The following MCM10 variants were observed in gnomAD, a reference collection of about 807,000 sequenced individuals.
MCM10 encodes the protein protein MCM10 homolog.
In MCM10, 91 loss-of-function variants were observed where a neutral mutation model predicts 109.9. The ratio of observed to expected loss-of-function variants is 0.83; its 90% CI spans 0.70 to 0.99. The LOEUF (loss-of-function observed/expected upper bound fraction) is 0.99. Among genes scored for constraint, MCM10 ranks in the 50% least tolerant of loss-of-function variants. The probability of loss-of-function intolerance (pLI) is 0.00; values close to 1 mark genes in which losing one functional copy is unlikely to be tolerated. For synonymous variants in MCM10, 380 were observed against 387.2 expected, an observed-to-expected ratio of 0.98 and a Z score of 0.22; for missense variants, 1,077 against 1,061.2, an observed-to-expected ratio of 1.01 and a Z score of -0.21.
At chr10:13,199,203 A>G (rs1384202144) in intron 16 of MCM10, among the ~76,000 whole-genome samples, 1 of 152,224 alleles carries the variant, frequency 6.6e-6, no homozygotes, top group African/African-American at 2.4e-5. Context: ...TACCCAGCCA[A>G]GAATCTGTTT....
intron 3 of MCM10, among the ~76,000 whole-genome samples, chr10:13,171,892 G>T (rs1834078943): frequency 6.6e-6 from 1 of 151,794 alleles, no homozygotes; most frequent in African/African-American, 2.4e-5. Flanking sequence ...AGCCTCCCTA[G>T]TAGCTGGAAC....
intron 2 of MCM10, among the ~76,000 whole-genome samples, 192 bp downstream of exon 2, chr10:13,164,401 C>T (rs72779582): frequency 0.19 from 29,185 of 152,178 alleles, 3,078 homozygotes; most frequent in Middle Eastern, 0.38. Flanking sequence ...GGGGAGATTT[C>T]TTCTGGCAAC....
rs780031747 is a variant in MCM10 at position 13,171,050 on chromosome 10, T to G, written c.136T>G (p.Phe46Val). Reference protein sequence around the residue: ...NGEPDAFDELFDADGDGESYT... With the variant: ...NGEPDAFDELVDADGDGESYT... ...CGAGCCCGACGCATTTGATGAGCTC[T>G]TTGATGCCGACGGCGACGGTGAATC... Residue 46 changes from phenylalanine (F) to valine (V), a missense_variant, in exon 3 of 20, where the codon TTT becomes GTT. Coordinates refer to ENST00000378714, the MANE Select transcript of MCM10 (RefSeq NM_018518.5). 3.1e-6 allele frequency: 5 copies of G among 1,614,114 alleles called. No individual in the cohort carries two copies. In the East Asian group the frequency reaches 1.1e-4, roughly 36 times the overall value.
At chr10:13,194,441 G>A (rs1284661951) in intron 13 of MCM10, among the ~76,000 whole-genome samples, 1 of 152,194 alleles carries the variant, frequency 6.6e-6, no homozygotes, top group African/African-American at 2.4e-5. Context: ...CAACACTTGG[G>A]AGGCTGAGGC....
intron 2 of MCM10, among the ~76,000 whole-genome samples, chr10:13,164,523 A>C (rs890068787): frequency 3.3e-5 from 5 of 152,236 alleles, no homozygotes; most frequent in Non-Finnish European, 7.3e-5. Flanking sequence ...CGTATTTTAT[A>C]GGCAGAAAAA....
Position 13,180,467 on chromosome 10 carries a change from A to G in MCM10, c.790A>G (p.Met264Val), listed in dbSNP as rs761514365. 83 of 1,613,608 alleles carry G rather than the reference A, an allele frequency of 5.1e-5. No homozygotes were observed. The highest frequency in any genetic ancestry group is 6.8e-5 in the Non-Finnish European group (80 of 1,179,946). ...LRRPRVSSTE[M>V]NKKMTGRKLI... Reference sequence around the variant, plus strand: ...GCGGCCTCGAGTATCCTCCACAGAAATGAACAAGAAAATGACCGGCCGAAA... The same window carrying G: ...GCGGCCTCGAGTATCCTCCACAGAAGTGAACAAGAAAATGACCGGCCGAAA... The change falls in exon 7 of 20, where the codon ATG (methionine) becomes GTG (valine). Residue 264 changes from methionine (M) to valine (V), a missense_variant. Coordinates refer to ENST00000378714, the MANE Select transcript of MCM10 (RefSeq NM_018518.5).
chr10:13,166,589 C>T (rs1215477966), intron 2 of MCM10, among the ~76,000 whole-genome samples: 3 of 146,580 alleles, frequency 2.0e-5, no homozygotes, highest in Non-Finnish European at 3.0e-5. Context: ...GAGCCGAGAT[C>T]GTGCCATTGC....
intron 13 of MCM10, among the ~76,000 whole-genome samples, chr10:13,192,955 G>A (rs990712577): frequency 2.5e-4 from 38 of 151,786 alleles, no homozygotes; most frequent in African/African-American, 8.2e-4. Flanking sequence ...CTGCAGTGTC[G>A]GCTCACTGCA....
chr10:13,207,939 C>A (rs1445555399), intron 18 of MCM10, among the ~76,000 whole-genome samples: 1 of 151,970 alleles, frequency 6.6e-6, no homozygotes, highest in African/African-American at 2.4e-5. Flanking sequence ...CTCTGAAATC[C>A]AAGTAAGCAG....
At chr10:13,206,045 A>AT (rs1185074605) in intron 18 of MCM10, among the ~76,000 whole-genome samples, 1 of 152,022 alleles carries the variant, frequency 6.6e-6, no homozygotes, top group African/African-American at 2.4e-5. Context: ...TTCTCCCTCC[A>AT]TCCTATCCCT....
At chr10:13,207,845 A>G (rs890217810) in intron 18 of MCM10, among the ~76,000 whole-genome samples, 9 of 152,172 alleles carry the variant, frequency 5.9e-5, no homozygotes, top group African/African-American at 2.2e-4. Flanking sequence ...TAGCAGCATG[A>G]GAACAGACTA....
At chr10:13,194,718 A>C (rs1055651683) in intron 13 of MCM10, among the ~76,000 whole-genome samples, 19 of 152,182 alleles carry the variant, frequency 1.2e-4, no homozygotes, top group African/African-American at 4.3e-4. Context: ...TAGGGGTGGG[A>C]ATACAGTTCA....
chr10:13,189,107 G>A, intron 10 of MCM10, 27 bp downstream of exon 10: 1 of 1,613,286 alleles, frequency 6.2e-7, no homozygotes, highest in Non-Finnish European at 8.5e-7. Context: ...CTTCTTTTGG[G>A]CAGAGGATTT....
rs192131238 is a variant in MCM10 at position 13,189,162 on chromosome 10, G to A, written c.1415+82G>A. ...CTACTGGTTGTACCTTCCTGTAACC[G>A]TCATAGGATACTTGTACAGGTTTTA... is the stretch of plus-strand genomic sequence containing the variant. On this transcript the variant is annotated intron_variant, in intron 10 of 19. Transcript: ENST00000378714. The A allele has an allele frequency of 3.3e-5, 46 of 1,404,738 alleles. No homozygotes were observed. The East Asian group carries it at 3.9e-4, about 12-fold the overall frequency. The allele number at this position is 1,404,738 out of a possible 1,614,324, so 87.0% of individuals were successfully genotyped here. A position where few individuals can be genotyped will look rare whatever the true frequency, so the allele number is the denominator to read the frequency against.
At position 13,180,554 on chromosome 10, in the gene MCM10, T is replaced by G. The variant is rs1172890519; in HGVS notation, c.877T>G (p.Trp293Gly). Reference sequence around the variant, plus strand: ...CAGAGAGAAGCTGGAAGAAATAGATTGGGTGACATTTGGGGTTATATTGAA... The same window carrying G: ...CAGAGAGAAGCTGGAAGAAATAGATGGGGTGACATTTGGGGTTATATTGAA... ...MAREKLEEID[W>G]VTFGVILKKV... The change falls in exon 7 of 20, where the codon TGG becomes GGG. Residue 293 changes from tryptophan (W) to glycine (G), a missense_variant. Trp to Gly is a radical substitution (Grantham distance 184). Transcript: ENST00000378714. 2 of 1,614,102 alleles carry G rather than the reference T, an allele frequency of 1.2e-6. No individual in the cohort carries two copies. The highest frequency in any genetic ancestry group is 1.7e-6 in the Non-Finnish European group (2 of 1,180,014).
chr10:13,198,737 C>T lies in MCM10; in HGVS notation c.2168C>T (p.Ala723Val). The change falls in exon 16 of 20, where the codon GCC becomes GTC. Residue 723 changes from alanine to valine, a missense_variant. By Grantham distance (64) the Ala-to-Val change is moderately conservative (BLOSUM62 0). Transcript: ENST00000378714. The stretch of plus-strand genomic sequence containing the variant: ...AGGAAAAAAAGGAGAGAACAACTTG[C>T]CTATCTGGAATCTGAGGAATTTCAG... ...PARKKRREQL[A>V]YLESEEFQKI... 1.2e-6 allele frequency: 2 copies of T among 1,613,946 alleles called. No homozygotes were observed. The highest frequency in any genetic ancestry group is 1.7e-6 in the Non-Finnish European group (2 of 1,180,002).
rs771799276 is a variant in MCM10, at chr10:13,198,786, A to C, written c.2217A>C (p.Lys739Asn). ...EFQKILKAKS[K>N]HTGILKEAEA... is the part of the protein sequence containing the mutation. Reference sequence around the variant, plus strand: ...AGAAAATCCTAAAAGCAAAATCAAAACACACAGGCATCCTGAAAGAGGTAA... The same window carrying C: ...AGAAAATCCTAAAAGCAAAATCAAACCACACAGGCATCCTGAAAGAGGTAA... The change falls in exon 16 of 20, where the codon AAA (lysine) becomes AAC (asparagine). Residue 739 changes from lysine to asparagine, a missense_variant. Lys to Asn is a moderately conservative substitution (Grantham distance 94). Transcript: ENST00000378714. 1.2e-6 allele frequency: 2 copies of C among 1,612,444 alleles called. No homozygotes were observed. Among genetic ancestry groups the C allele is most frequent in the East Asian group, 2.2e-5 (1 of 44,898 alleles).
chr10:13,198,819 A>C lies in MCM10; in HGVS notation c.2238+12A>C. On this transcript the variant is annotated intron_variant, in intron 16 of 19. Coordinates refer to ENST00000378714, the MANE Select transcript of MCM10 (RefSeq NM_018518.5). The stretch of plus-strand genomic sequence containing the variant: ...GCATCCTGAAAGAGGTAAGAGCCCA[A>C]AAGCTCAAGGATGGTGTTGATGTCC... 1.3e-6 allele frequency: 2 copies of C among 1,566,728 alleles called. No individual in the cohort carries two copies. The highest frequency in any genetic ancestry group is 1.8e-6 in the Non-Finnish European group (2 of 1,139,540).
Position 13,185,504 on chromosome 10 carries a change from G to A in MCM10, c.1099-660G>A, listed in dbSNP as rs76209406. Among the ~76,000 whole-genome samples the A allele has an allele frequency of 7.6e-3, 1,157 of 152,302 alleles. 7 individuals are homozygous for A. Among genetic ancestry groups the A allele is most frequent in the Non-Finnish European group, 0.012 (790 of 68,034 alleles). ...AACTCATTTTGTCAGGAAAGCAGAA[G>A]CTTCCCTACCAACTCCTGTTTATGT... On this transcript the variant is annotated intron_variant, in intron 8 of 19. Transcript: ENST00000378714.
Sources: allele counts gnomAD v4.1 joint callset (sites outside exome capture counted in the v4.1 genomes callset), GRCh38; gene constraint gnomAD v4.1.1; transcripts MANE v1.5; gene names NCBI Gene and HGNC (gene_info 2026-07-23, HGNC 2026-07-21).